Variants in CELF2 observed in about 807,000 individuals in gnomAD.
CELF2 encodes CUGBP Elav-like family member 2.
In CELF2, 8 loss-of-function variants were observed where a neutral mutation model predicts 62.6. The ratio of observed to expected loss-of-function variants is 0.13; its 90% CI spans 0.07 to 0.23. CELF2 has a LOEUF of 0.23. Ranked by LOEUF, CELF2 falls within the 10% of genes least tolerant of loss-of-function variation. The pLI is 1.00. For missense variants in CELF2, 333 were observed against 671.0 expected (o/e 0.50, Z 5.56); for synonymous variants, 258 against 250.0 (o/e 1.03, Z -0.30).
rs949411696 is a variant in CELF2 at position 10,814,569 on chromosome 10, G to A, written c.53+15752G>A. 3.3e-5 allele frequency among the ~76,000 whole-genome samples: 5 copies of A among 152,262 alleles called. No individual in the cohort carries two copies. In the East Asian group the frequency reaches 9.7e-4, roughly 29 times the overall value. Reference sequence around the variant, plus strand: ...CCCACTTCCAACACGTGCCTCTTGGGCCCCTCCATGACAGGCCATGCATCT... The same window carrying A: ...CCCACTTCCAACACGTGCCTCTTGGACCCCTCCATGACAGGCCATGCATCT... On this transcript the variant is annotated intron_variant, in intron 1 of 13. Transcript: ENST00000636488.
intron 2 of CELF2, among the ~76,000 whole-genome samples, chr10:10,930,959 T>A (rs1390116987): frequency 6.6e-6 from 1 of 152,226 alleles, no homozygotes; most frequent in African/African-American, 2.4e-5. Context: ...TTGGAGAGTT[T>A]CTGTGCCTGC....
chr10:10,843,921 ATGAGAAAACTTGTC>A (rs1564705929), intron 1 of CELF2, among the ~76,000 whole-genome samples: 1 of 151,980 alleles, frequency 6.6e-6, no homozygotes, highest in Non-Finnish European at 1.5e-5. Context: ...CATTGGAGAT[ATGAGAAAACTTGTC>A]TGAGCAGCCA....
At chr10:11,103,097 C>G (rs549247972) in intron 1 of CELF2, among the ~76,000 whole-genome samples, 1 of 152,270 alleles carries the variant, frequency 6.6e-6, no homozygotes, top group East Asian at 1.9e-4. Flanking sequence ...CTAAGGGTGC[C>G]TCACAATGCG....
At chr10:10,493,065 T>C in the CELF2 span, among the ~76,000 whole-genome samples, 1 of 152,190 alleles carries the variant, frequency 6.6e-6, no homozygotes, top group Non-Finnish European at 1.5e-5. Context: ...ATGTCTTTAT[T>C]AGCAGCATGA....
the CELF2 span, among the ~76,000 whole-genome samples, chr10:10,701,351 T>C: frequency 6.6e-6 from 1 of 152,202 alleles, no homozygotes; most frequent in African/African-American, 2.4e-5. Context: ...TTACTGGAAG[T>C]CTCCAGAGCC....
chr10:10,690,439 A>C, the CELF2 span, among the ~76,000 whole-genome samples: 6 of 152,188 alleles, frequency 3.9e-5, no homozygotes, highest in African/African-American at 7.2e-5. Flanking sequence ...CATAGATTAA[A>C]ATAATACACT....
rs1314530757 is a variant in CELF2 at position 11,295,982 on chromosome 10, CTG to C, written c.976+7432_976+7433del. ...GAGCAGGCTGGAGTCTCTTAATAGT[CTG>C]TAACCAATTTAAAGCTTAATAAAGC... On this transcript the variant is annotated intron_variant, in intron 9 of 12. Transcript: ENST00000633077. Among the ~76,000 whole-genome samples the C allele has an allele frequency of 2.0e-5, 3 of 152,124 alleles. No homozygotes were observed. The East Asian group carries it at 5.8e-4, about 29-fold the overall frequency.
chr10:11,048,177 TA>T (rs1387336387), intron 1 of CELF2, among the ~76,000 whole-genome samples: 1 of 152,174 alleles, frequency 6.6e-6, no homozygotes, highest in Non-Finnish European at 1.5e-5. Context: ...GTCAAGAAAG[TA>T]TAGTTTGAAC....
intron 2 of CELF2, among the ~76,000 whole-genome samples, chr10:11,204,666 G>C (rs888434514): frequency 6.6e-6 from 1 of 152,192 alleles, no homozygotes. Flanking sequence ...GATCTCCTGC[G>C]CTTGATCCCC....
At chr10:10,525,412 G>A in the CELF2 span, among the ~76,000 whole-genome samples, 6 of 151,978 alleles carry the variant, frequency 3.9e-5, no homozygotes, top group Non-Finnish European at 1.5e-5. Context: ...TATTTTATGT[G>A]TTGCCCCAGG....
intron 9 of CELF2, among the ~76,000 whole-genome samples, chr10:11,312,170 C>G (rs1249641654): frequency 6.6e-6 from 1 of 152,126 alleles, no homozygotes; most frequent in Non-Finnish European, 1.5e-5. Flanking sequence ...CTCGAATACC[C>G]AGGAAAGAAA....
In CELF2 at chr10:11,207,673, C is replaced by T. The variant is rs544258100; in HGVS notation, c.272-9752C>T. Among the ~76,000 whole-genome samples the T allele has an allele frequency of 2.6e-5, 4 of 152,324 alleles. No homozygotes were observed. Among genetic ancestry groups the T allele is most frequent in the African/African-American group, 9.6e-5 (4 of 41,570 alleles). ...ACTTGGTAATCCAAACCGTGGAGTC[C>T]ACATAACTCACATACGGAAGGCCCG... On this transcript the variant is annotated intron_variant, in intron 2 of 12. Transcript: ENST00000633077. This position sits in a 1 kb window ranked among gnomAD's most constrained non-coding sequence, Gnocchi z 4.1.
At chr10:11,033,257 ATT>A (rs199975812) in intron 1 of CELF2, among the ~76,000 whole-genome samples, 18,510 of 138,794 alleles carry the variant, frequency 0.13, 2,127 homozygotes, top group African/African-American at 0.32. Context: ...TGTTCAGGGC[ATT>A]TTTTTTTTTT....
At chr10:10,919,249 A>G (rs941134266) in intron 1 of CELF2, among the ~76,000 whole-genome samples, 1 of 150,450 alleles carries the variant, frequency 6.6e-6, no homozygotes, top group Non-Finnish European at 1.5e-5. Context: ...TAGCCTGGGC[A>G]AAAGAGAGAT....
chr10:10,751,020 G>A, the CELF2 span, among the ~76,000 whole-genome samples: 2 of 152,188 alleles, frequency 1.3e-5, no homozygotes, highest in Non-Finnish European at 2.9e-5. Flanking sequence ...AATTGTTTGA[G>A]GATTTCGAAC....
At chr10:10,677,779 T>A in the CELF2 span, among the ~76,000 whole-genome samples, 3 of 152,214 alleles carry the variant, frequency 2.0e-5, no homozygotes, top group Non-Finnish European at 4.4e-5. Context: ...TCCTAGCTGT[T>A]CTCTGCTAAG....
In CELF2 at chr10:11,242,470, C is replaced by T. The variant is rs1021045336; in HGVS notation, c.355-6683C>T. Among the ~76,000 whole-genome samples the T allele has an allele frequency of 9.2e-5, 14 of 152,084 alleles. No homozygotes were observed. Among genetic ancestry groups the T allele is most frequent in the African/African-American group, 3.1e-4 (13 of 41,410 alleles). On this transcript the variant is annotated intron_variant, in intron 3 of 12. Transcript: ENST00000633077. This position sits in a 1 kb window ranked among gnomAD's most constrained non-coding sequence, Gnocchi z 4.8. Reference sequence around the variant, plus strand: ...AGGCAGAGGGCTTCAGAGAGCCCCACGAGGTTGTGTCCATAGTGGCGACTC... The same window carrying T: ...AGGCAGAGGGCTTCAGAGAGCCCCATGAGGTTGTGTCCATAGTGGCGACTC...
intron 1 of CELF2, among the ~76,000 whole-genome samples, chr10:11,108,822 C>T (rs1009915875): frequency 9.9e-5 from 15 of 152,174 alleles, no homozygotes; most frequent in African/African-American, 3.6e-4. Context: ...AACTTCTTAG[C>T]CATTTGGATC....
chr10:10,748,883 G>T, the CELF2 span, among the ~76,000 whole-genome samples: 1 of 152,070 alleles, frequency 6.6e-6, no homozygotes, highest in African/African-American at 2.4e-5. Context: ...ATAAACAGAT[G>T]TGGGTGAATT....
Sources: gnomAD v4.1 joint callset for allele counts (sites outside exome capture counted in the v4.1 genomes callset) on GRCh38, gnomAD v4.1.1 for gene constraint, Gnocchi (gnomAD v3.1) non-coding constraint, MANE v1.5 for transcripts, NCBI Gene and HGNC (gene_info 2026-07-23, HGNC 2026-07-21) for gene names.